PPP1R1B: variants seen among roughly 807,000 people sequenced by gnomAD.
The protein encoded by PPP1R1B is protein phosphatase 1 regulatory subunit 1B.
PPP1R1B carries 13 observed loss-of-function variants against 28.2 expected under a neutral mutation model. That is an observed-to-expected ratio of 0.46 (90% CI 0.30 to 0.73). PPP1R1B has a LOEUF of 0.73. PPP1R1B is among the 30% of genes least tolerant of loss of function. The pLI is 0.07. For missense variants in PPP1R1B, 236 were observed against 256.7 expected (o/e 0.92, Z 0.55); for synonymous variants, 102 against 97.5 (o/e 1.05, Z -0.27).
At chr17:39,633,740 T>C (rs1429013778) in intron 4 of PPP1R1B, 143 bp from the exon 5 acceptor site, 16 of 1,454,344 alleles carry the variant, frequency 1.1e-5, no homozygotes, top group Non-Finnish European at 1.4e-5. Flanking sequence ...CTGTCAACTT[T>C]GGCCTTTGAA....
At chr17:39,629,256 C>T (rs775772142) in intron 2 of PPP1R1B, 26 bp downstream of exon 2, 2 of 1,608,196 alleles carry the variant, frequency 1.2e-6, no homozygotes, top group African/African-American at 2.7e-5. Context: ...CCCACTTAGC[C>T]CTGGCCCCAC....
rs1597775312 is a variant in PPP1R1B, at chr17:39,627,350, C to T, written c.-43C>T. ...AGCCCAGCACAGACCGCCGCCGGGA[C>T]CCCGAGTCGCGCACCCCAGCCCCAC... On this transcript the variant is annotated 5_prime_UTR_variant, in exon 1 of 7. Coordinates refer to ENST00000254079, the MANE Select transcript of PPP1R1B (RefSeq NM_032192.4). The T allele has an allele frequency of 7.0e-7, 1 of 1,421,012 alleles. No individual in the cohort carries two copies. Among genetic ancestry groups the T allele is most frequent in the Non-Finnish European group, 9.7e-7 (1 of 1,026,288 alleles). 88.0% of individuals were successfully genotyped at this position (1,421,012 alleles called of 1,614,324 possible). A position where few individuals can be genotyped will look rare whatever the true frequency, so the allele number is the denominator to read the frequency against.
chr17:39,627,475 T>G lies in PPP1R1B; in HGVS notation c.81+2T>G, dbSNP rs2056845953. The G allele has an allele frequency of 5.8e-6, 9 of 1,553,126 alleles. No individual in the cohort carries two copies. The highest frequency in any genetic ancestry group is 7.9e-6 in the Non-Finnish European group (9 of 1,143,906). ...CTCGACCCCCGCCAGGTGGAGATGG[T>G]AAGGGGCCCGTGCCCCACCCCGGCA... On this transcript the variant is annotated splice_donor_variant, in intron 1 of 6. Transcript: ENST00000254079. LOFTEE classifies it high-confidence loss of function.
chr17:39,630,108 T>C, intron 4 of PPP1R1B, 61 bp downstream of exon 4: 2 of 1,483,728 alleles, frequency 1.3e-6, no homozygotes, highest in Non-Finnish European at 9.4e-7. Context: ...GGGCAGACGC[T>C]AGGGGAGCTT....
chr17:39,634,169 T>C, intron 5 of PPP1R1B, 83 bp downstream of exon 5: 2 of 1,555,658 alleles, frequency 1.3e-6, no homozygotes, highest in Non-Finnish European at 1.8e-6. Flanking sequence ...GTTCAGTGTC[T>C]CATACACGCA....
chr17:39,628,448 G>A, intron 1 of PPP1R1B: 3 of 934,844 alleles, frequency 3.2e-6, no homozygotes, highest in Non-Finnish European at 3.8e-6. Flanking sequence ...GGGCGGGGCG[G>A]GGAGGGGGGC....
Position 39,633,927 on chromosome 17 carries a change from T to C in PPP1R1B, c.286T>C (p.Leu96=), listed in dbSNP as rs779268674. The change falls in exon 5 of 7, where the codon TTG becomes CTG. Residue 96 remains leucine (L), a synonymous_variant. Transcript: ENST00000254079. ...AESHLQSISN[L]NENQASEEED... ...GTCTCACCTGCAGTCTATCAGCAAT[T>C]TGAATGAGAACCAGGCCTCAGAGGA... 1.1e-5 allele frequency: 18 copies of C among 1,613,802 alleles called. No individual in the cohort carries two copies. The highest frequency in any genetic ancestry group is 1.4e-5 in the Non-Finnish European group (17 of 1,179,838).
At chr17:39,635,098 A>G (rs992692465) in intron 5 of PPP1R1B, among the ~76,000 whole-genome samples, 5 of 152,212 alleles carry the variant, frequency 3.3e-5, no homozygotes, top group African/African-American at 9.7e-5. Flanking sequence ...TGGGAGGCTG[A>G]GGCAGAAGAA....
At chr17:39,629,251 T>G in intron 2 of PPP1R1B, 21 bp downstream of exon 2, 1 of 1,610,790 alleles carries the variant, frequency 6.2e-7, no homozygotes, top group African/African-American at 1.3e-5. Flanking sequence ...CCCTGCCCAC[T>G]TAGCCCTGGC....
intron 1 of PPP1R1B, chr17:39,628,394 C>A: frequency 2.3e-6 from 1 of 440,236 alleles, no homozygotes; most frequent in Non-Finnish European, 3.0e-6. Flanking sequence ...TGGAGCTCAA[C>A]AGGGACCTAA....
intron 5 of PPP1R1B, among the ~76,000 whole-genome samples, chr17:39,634,677 A>G (rs974664280): frequency 2.0e-5 from 3 of 152,258 alleles, no homozygotes; most frequent in Non-Finnish European, 4.4e-5. Flanking sequence ...AATACTGAAG[A>G]GTCAACCACC....
chr17:39,635,786 G>T (rs2056917034), intron 6 of PPP1R1B, 30 bp from the exon 7 acceptor site: 1 of 1,613,332 alleles, frequency 6.2e-7, no homozygotes, highest in African/African-American at 1.3e-5. Context: ...GTGGGGCCAG[G>T]CCCTGAGTCC....
chr17:39,631,410 G>C (rs1050140128), intron 4 of PPP1R1B, among the ~76,000 whole-genome samples: 1 of 152,196 alleles, frequency 6.6e-6, no homozygotes, highest in African/African-American at 2.4e-5. Flanking sequence ...GGGCCAACCT[G>C]GAGGAGGCTT....
rs2056843835 is a variant in PPP1R1B, at chr17:39,627,224, T to C, written c.-169T>C. ...CGCCCAGCCCGGGCGCCGACCCTCC[T>C]CCCGCTCCCGCGCCCTCCCCTCGGC... On this transcript the variant is annotated 5_prime_UTR_variant, in exon 1 of 7. Coordinates refer to ENST00000254079, the MANE Select transcript of PPP1R1B (RefSeq NM_032192.4). 5.8e-6 allele frequency: 3 copies of C among 516,694 alleles called. No individual in the cohort carries two copies. In the East Asian group the frequency reaches 1.1e-4, roughly 19 times the overall value. 32.0% of individuals were successfully genotyped at this position (516,694 alleles called of 1,614,324 possible).
At chr17:39,635,452 T>C (rs1426796472) in intron 5 of PPP1R1B, among the ~76,000 whole-genome samples, 155 bp from the exon 6 acceptor site, 2 of 152,172 alleles carry the variant, frequency 1.3e-5, no homozygotes, top group South Asian at 2.1e-4. Flanking sequence ...ATATGGCTAG[T>C]TGCTGGGAGA....
chr17:39,633,891 C>T lies in PPP1R1B; in HGVS notation c.250C>T (p.Arg84Cys), dbSNP rs767247081. The T allele has an allele frequency of 6.2e-6, 10 of 1,613,442 alleles. No homozygotes were observed. The highest frequency in any genetic ancestry group is 1.1e-5 in the South Asian group (1 of 91,026). Residue 84 changes from arginine to cysteine, a missense_variant, in exon 5 of 7, where the codon CGC (arginine) becomes TGC (cysteine). Arg to Cys is a radical substitution (Grantham distance 180). Coordinates refer to ENST00000254079, the MANE Select transcript of PPP1R1B (RefSeq NM_032192.4). ...GGTCTCCTCTGTGCCAGCTGTGCAGCGCATTGCTGAGTCTCACCTGCAGTC... is the reference window on the plus strand; with the variant it reads ...GGTCTCCTCTGTGCCAGCTGTGCAGTGCATTGCTGAGTCTCACCTGCAGTC... ...YTPPSLKAVQ[R>C]IAESHLQSIS...
Position 39,635,703 on chromosome 17 carries a change from A to G in PPP1R1B, c.542A>G (p.Gln181Arg). The G allele has an allele frequency of 1.9e-6, 3 of 1,614,124 alleles. No individual in the cohort carries two copies. Among genetic ancestry groups the G allele is most frequent in the Non-Finnish European group, 2.5e-6 (3 of 1,180,012 alleles). ...GAGAGAGATGGAGGCTCTGAGGACC[A>G]AGTGGAAGACCCAGCACTAAGTGGT... ...ESERDGGSED[Q>R]VEDPALSEPG... Residue 181 changes from glutamine (Q) to arginine (R), a missense_variant, in exon 6 of 7, where the codon CAA becomes CGA. Coordinates refer to ENST00000254079, the MANE Select transcript of PPP1R1B (RefSeq NM_032192.4).
intron 4 of PPP1R1B, chr17:39,632,769 G>C (rs1051390204): frequency 1.3e-5 from 2 of 152,274 alleles, no homozygotes; most frequent in Non-Finnish European, 2.9e-5. Context: ...CACATACAAA[G>C]CACCCTCTGT....
chr17:39,630,886 A>G (rs2056872235), intron 4 of PPP1R1B, among the ~76,000 whole-genome samples: 1 of 152,224 alleles, frequency 6.6e-6, no homozygotes, highest in African/African-American at 2.4e-5. Flanking sequence ...CCTGACCAAC[A>G]TGGAGAAATC....
Sources: gnomAD v4.1 joint callset for allele counts (sites outside exome capture counted in the v4.1 genomes callset) on GRCh38, gnomAD v4.1.1 for gene constraint, MANE v1.5 for transcripts, NCBI Gene and HGNC (gene_info 2026-07-23, HGNC 2026-07-21) for gene names.